MAG: variants seen among roughly 807,000 people sequenced by gnomAD.
The protein encoded by MAG is myelin associated glycoprotein.
Under a neutral mutation model 60.7 loss-of-function variants are expected in MAG, and 30 were observed. That is an observed-to-expected ratio of 0.49 (90% CI 0.37 to 0.67). The LOEUF is 0.67. MAG is among the 30% of genes least tolerant of loss of function. The pLI, the probability that MAG is intolerant of heterozygous loss-of-function variation, is 0.00. For missense variants in MAG, 795 were observed against 851.7 expected (o/e 0.93, Z 0.83); for synonymous variants, 384 against 376.8 (o/e 1.02, Z -0.22).
chr19:35,312,037 C>T lies in MAG; in HGVS notation c.1716+20C>T, dbSNP rs761027610. ...TACGAGGTAAGGACCAGGCTCCAGG[C>T]TGGCCTGGGAACCTGGATGCCAGGG... On this transcript the variant is annotated intron_variant, in intron 10 of 10. Coordinates refer to ENST00000392213, the MANE Select transcript of MAG (RefSeq NM_002361.4). 4.4e-6 allele frequency: 7 copies of T among 1,602,918 alleles called. No homozygotes were observed. The East Asian group carries it at 1.3e-4, about 31-fold the overall frequency.
chr19:35,313,654 C>T lies in MAG; in HGVS notation c.*200C>T, dbSNP rs1265192112. 7 of 566,910 alleles carry T rather than the reference C, an allele frequency of 1.2e-5. No individual in the cohort carries two copies. The highest frequency in any genetic ancestry group is 3.8e-5 in the African/African-American group (2 of 52,898). The allele number at this position is 566,910 out of a possible 1,614,324, so 35.1% of individuals were successfully genotyped here. A position where few individuals can be genotyped will look rare whatever the true frequency, so the allele number is the denominator to read the frequency against. ...TGCCAGCACCCCCACGCCCTCATTA[C>T]GGCTCCTCTCTAACCTCCTTTACCC... On this transcript the variant is annotated 3_prime_UTR_variant, in exon 11 of 11. Transcript: ENST00000392213.
chr19:35,305,416 G>A (rs1467555840), intron 7 of MAG, among the ~76,000 whole-genome samples: 2 of 152,190 alleles, frequency 1.3e-5, no homozygotes, highest in East Asian at 3.8e-4. Context: ...TGAGTACGTT[G>A]TACGCATTGA....
Position 35,310,100 on chromosome 19 carries a change from C to G in MAG, c.1458C>G (p.Val486=), listed in dbSNP as rs759342904. 5 of 1,612,788 alleles carry G rather than the reference C, an allele frequency of 3.1e-6. No individual in the cohort carries two copies. The South Asian group carries it at 4.4e-5, about 14-fold the overall frequency. ...LRGQAQAPPR[V]ICTARNLYGA... is the part of the protein sequence containing the mutation. ...GGCAGGCCCAGGCCCCGCCCCGCGTCATCTGCACCGCGAGGAACCTCTATG... is the reference window on the plus strand; with the variant it reads ...GGCAGGCCCAGGCCCCGCCCCGCGTGATCTGCACCGCGAGGAACCTCTATG... The change falls in exon 8 of 11, where the codon GTC becomes GTG. Residue 486 remains valine (V), a synonymous_variant. Transcript: ENST00000392213.
Position 35,309,992 on chromosome 19 carries a change from T to C in MAG, c.1350T>C (p.Asn450=), listed in dbSNP as rs1480940496. The C allele has an allele frequency of 1.2e-6, 2 of 1,613,890 alleles. No homozygotes were observed. Among genetic ancestry groups the C allele is most frequent in the Non-Finnish European group, 1.7e-6 (2 of 1,179,938 alleles). Residue 450 remains asparagine, a synonymous_variant, in exon 8 of 11, where the codon AAT becomes AAC. Coordinates refer to ENST00000392213, the MANE Select transcript of MAG (RefSeq NM_002361.4). ...PSVAFELPSR[N]VTVNESEREF... Reference sequence around the variant, plus strand: ...TGGCCTTTGAGCTGCCATCGCGCAATGTGACCGTGAACGAGAGCGAGCGGG... The same window carrying C: ...TGGCCTTTGAGCTGCCATCGCGCAACGTGACCGTGAACGAGAGCGAGCGGG...
At chr19:35,296,818 C>T (rs1479481556) in intron 4 of MAG, among the ~76,000 whole-genome samples, 2 of 151,722 alleles carry the variant, frequency 1.3e-5, no homozygotes, top group African/African-American at 2.4e-5. Context: ...ACCCACACAC[C>T]ACACACTACA....
chr19:35,299,934 G>A (rs2066434820), intron 5 of MAG, 84 bp downstream of exon 5: 7 of 1,279,328 alleles, frequency 5.5e-6, no homozygotes, highest in Middle Eastern at 2.9e-4. Flanking sequence ...GCGGCCGGAG[G>A]CGGGGCCGGG....
intron 4 of MAG, 65 bp downstream of exon 4, chr19:35,296,046 G>A (rs1317645244): frequency 9.3e-6 from 14 of 1,512,330 alleles, no homozygotes; most frequent in Admixed American, 8.6e-5. Context: ...GAGTGTGGCC[G>A]GAAGGCCTCC....
At position 35,292,173 on chromosome 19, in the gene MAG, C is replaced by T. The variant is rs1170475538; in HGVS notation, c.-111C>T. On this transcript the variant is annotated 5_prime_UTR_variant, in exon 1 of 11. Coordinates refer to ENST00000392213, the MANE Select transcript of MAG (RefSeq NM_002361.4). ...GGCAGGGGACTGCGAGCTGGGCTGGCGGAGCAGAGGTGCAGAAGCAACTGA... is the reference window on the plus strand; with the variant it reads ...GGCAGGGGACTGCGAGCTGGGCTGGTGGAGCAGAGGTGCAGAAGCAACTGA... 3 of 454,750 alleles carry T rather than the reference C, an allele frequency of 6.6e-6. No individual in the cohort carries two copies. Among genetic ancestry groups the T allele is most frequent in the Admixed American group, 2.3e-5 (1 of 42,554 alleles). 28.2% of individuals were successfully genotyped at this position (454,750 alleles called of 1,614,324 possible). A position where few individuals can be genotyped will look rare whatever the true frequency, so the allele number is the denominator to read the frequency against.
chr19:35,294,127 G>A, intron 1 of MAG, 108 bp from the exon 2 acceptor site: 1 of 299,892 alleles, frequency 3.3e-6, no homozygotes, highest in Non-Finnish European at 6.5e-6. Context: ...AGGGCCACAT[G>A]GGCAGCCTGA....
intron 4 of MAG, among the ~76,000 whole-genome samples, chr19:35,297,311 ACACCAAACACACACACCACACACACAC>A: frequency 6.9e-6 from 1 of 145,894 alleles, no homozygotes; most frequent in South Asian, 2.2e-4. Context: ...CACACACACC[ACACCAAACACACACACCACACACACAC>A]CACACTACAA....
In MAG at chr19:35,295,625, G is replaced by A. The variant is rs200076895; in HGVS notation, c.59G>A (p.Gly20Asp). ...FWIMISASRG[G>D]HWGAWMPSSI... is the part of the protein sequence containing the mutation. ...TGCTTGCCCGCAGCCTCCCGAGGGG[G>A]TCACTGGGGTGCCTGGATGCCCTCG... Residue 20 changes from glycine to aspartate, a missense_variant, in exon 4 of 11, where the codon GGT (glycine) becomes GAT (aspartate). Transcript: ENST00000392213. This position sits in a 1 kb window ranked among gnomAD's most constrained non-coding sequence, Gnocchi z 5.8. 6.8e-6 allele frequency: 11 copies of A among 1,606,826 alleles called. No homozygotes were observed. The highest frequency in any genetic ancestry group is 9.3e-6 in the Non-Finnish European group (11 of 1,177,878).
rs539537106 is a variant in MAG, at chr19:35,298,658, A to C, written c.416-896A>C. Among the ~76,000 whole-genome samples, 116 of 148,912 alleles carry C rather than the reference A, an allele frequency of 7.8e-4. 1 individual carries two copies. In the East Asian group the frequency reaches 0.022, roughly 29 times the overall value. ...ACACTACACACAGCACACACACACC[A>C]CACATGATACAAACCACACACCGCA... On this transcript the variant is annotated intron_variant, in intron 4 of 10. Coordinates refer to ENST00000392213, the MANE Select transcript of MAG (RefSeq NM_002361.4).
intron 8 of MAG, 115 bp downstream of exon 8, chr19:35,310,276 G>T: frequency 7.5e-7 from 1 of 1,339,102 alleles, no homozygotes; most frequent in Non-Finnish European, 1.0e-6. Context: ...TTGACAGAAA[G>T]GTCAAATTCT....
chr19:35,294,977 C>T (rs1357059975), intron 2 of MAG, among the ~76,000 whole-genome samples: 22 of 151,992 alleles, frequency 1.4e-4, no homozygotes, highest in Admixed American at 1.4e-3. Context: ...ATCAGCAGAC[C>T]AGGCATGGTG....
At chr19:35,297,319 C>CT (rs2066406684) in intron 4 of MAG, among the ~76,000 whole-genome samples, 1 of 142,020 alleles carries the variant, frequency 7.0e-6, no homozygotes, top group African/African-American at 2.6e-5. Context: ...CCACACCAAA[C>CT]ACACACACCA....
In MAG at chr19:35,309,933, C is replaced by T. The variant is rs1187322610; in HGVS notation, c.1291C>T (p.Leu431=). ...CAAARDTVQC[L]CVVKSNPEPS... ...GGCAGCCCGAGACACGGTGCAGTGCCTGTGCGTGGTGAAGTCCAACCCGGA... is the reference window on the plus strand; with the variant it reads ...GGCAGCCCGAGACACGGTGCAGTGCTTGTGCGTGGTGAAGTCCAACCCGGA... Residue 431 remains leucine, a synonymous_variant, in exon 8 of 11, where the codon CTG becomes TTG. Transcript: ENST00000392213. 6.2e-7 allele frequency: 1 copy of T among 1,613,976 alleles called. No individual in the cohort carries two copies. The highest frequency in any genetic ancestry group is 1.3e-5 in the African/African-American group (1 of 75,068).
Position 35,300,139 on chromosome 19 carries a change from G to A in MAG, c.713-8G>A. 1 of 1,520,838 alleles carries A rather than the reference G, an allele frequency of 6.6e-7. No homozygotes were observed. The highest frequency in any genetic ancestry group is 1.3e-5 in the South Asian group (1 of 78,668). 94.2% of individuals were successfully genotyped at this position (1,520,838 alleles called of 1,614,324 possible). A position where few individuals can be genotyped will look rare whatever the true frequency, so the allele number is the denominator to read the frequency against. ...TGCTCACTAACCTCGCTGTGTCGCG[G>A]GCCTTAGACCCCCCGGTGATTGTGG... On this transcript the variant is annotated splice_polypyrimidine_tract_variant and splice_region_variant and intron_variant, in intron 5 of 10. Transcript: ENST00000392213.
chr19:35,312,100 G>A, intron 10 of MAG, 83 bp downstream of exon 10: 1 of 1,387,096 alleles, frequency 7.2e-7, no homozygotes, highest in Non-Finnish European at 1.0e-6. Flanking sequence ...AGGCCAAGGG[G>A]CAGGGGAGTG....
At chr19:35,300,020 A>G in intron 5 of MAG, 127 bp from the exon 6 acceptor site, 1 of 806,764 alleles carries the variant, frequency 1.2e-6, no homozygotes, top group Non-Finnish European at 1.5e-6. Context: ...GGAACCAGGC[A>G]GTCCTGGGGC....
Sources: gnomAD v4.1 joint callset for allele counts (sites outside exome capture counted in the v4.1 genomes callset) on GRCh38, gnomAD v4.1.1 for gene constraint, Gnocchi (gnomAD v3.1) non-coding constraint, MANE v1.5 for transcripts, NCBI Gene and HGNC (gene_info 2026-07-23, HGNC 2026-07-21) for gene names.